Variants in ECHDC1 observed in about 807,000 individuals in gnomAD.
ECHDC1 encodes the protein ethylmalonyl-CoA decarboxylase.
ECHDC1 carries 29 observed loss-of-function variants against 29.7 expected under a neutral mutation model. That is an observed-to-expected ratio of 0.98 (90% CI 0.73 to 1.33). The LOEUF (loss-of-function observed/expected upper bound fraction) is 1.33. Ranked by LOEUF, ECHDC1 falls within the 40% of genes most tolerant of loss-of-function variation. ECHDC1 has a pLI of 0.00. For synonymous variants in ECHDC1, 126 were observed against 123.1 expected, an observed-to-expected ratio of 1.02 and a Z score of -0.15; for missense variants, 328 against 350.0, an observed-to-expected ratio of 0.94 and a Z score of 0.50.
intron 5 of ECHDC1, among the ~76,000 whole-genome samples, chr6:127,296,210 A>AGAC: frequency 6.6e-6 from 1 of 152,024 alleles, no homozygotes; most frequent in African/African-American, 2.4e-5. Context: ...GTTTTTTTTT[A>AGAC]GACAGGGTCT....
intron 2 of ECHDC1, among the ~76,000 whole-genome samples, chr6:127,328,971 G>A (rs1350613913): frequency 2.0e-5 from 3 of 152,080 alleles, no homozygotes; most frequent in Non-Finnish European, 4.4e-5. Context: ...AGCTTGCAGT[G>A]AGCTGAGATC....
chr6:127,290,412 AAT>A (rs1780057781), intron 5 of ECHDC1, 135 bp from the exon 6 acceptor site: 1 of 862,872 alleles, frequency 1.2e-6, no homozygotes, highest in Non-Finnish European at 1.7e-6. Flanking sequence ...ATGTTTGAAA[AAT>A]ATGGCTGTTT....
chr6:127,306,014 TAAA>T (rs773854477), intron 5 of ECHDC1, among the ~76,000 whole-genome samples: 1 of 124,362 alleles, frequency 8.0e-6, no homozygotes. Flanking sequence ...GTTGATAGAT[TAAA>T]AAAAAAAAAA....
Position 127,294,454 on chromosome 6 carries a change from CA to C in ECHDC1, c.498-4178del, listed in dbSNP as rs1281712848. On this transcript the variant is annotated intron_variant, in intron 5 of 5. Coordinates refer to ENST00000454859, the MANE Select transcript of ECHDC1 (RefSeq NM_001002030.2). Reference sequence around the variant, plus strand: ...TTGTTTTCTACCATCTATAACATCACAAAACAATGGAAAAGAGAAAGAACCC... The same window carrying C: ...TTGTTTTCTACCATCTATAACATCACAAACAATGGAAAAGAGAAAGAACCC... 25 of 152,288 alleles carry C rather than the reference CA, an allele frequency of 1.6e-4. 1 individual carries two copies. Among genetic ancestry groups the C allele is most frequent in the Non-Finnish European group, 1.8e-4 (12 of 68,036 alleles). The allele number at this position is 152,288 out of a possible 1,614,324, so 9.4% of individuals were successfully genotyped here.
intron 3 of ECHDC1, 120 bp from the exon 4 acceptor site, chr6:127,316,622 T>C (rs766464480): frequency 7.3e-5 from 55 of 752,944 alleles, no homozygotes; most frequent in Non-Finnish European, 1.1e-4. Context: ...AACAATGACA[T>C]TTCCATTTAA....
chr6:127,312,928 A>C (rs1488105513), intron 5 of ECHDC1: 1 of 152,212 alleles, frequency 6.6e-6, no homozygotes, highest in Non-Finnish European at 1.5e-5. Context: ...TAAAAAGTAC[A>C]TACTCTATAT....
chr6:127,315,738 T>G (rs1011399440), intron 4 of ECHDC1: 2 of 344,526 alleles, frequency 5.8e-6, no homozygotes, highest in Non-Finnish European at 1.2e-5. Flanking sequence ...TATTTTAGAA[T>G]AGTAATGTTA....
chr6:127,330,562 AG>A (rs1446261347), intron 2 of ECHDC1, among the ~76,000 whole-genome samples: 3 of 152,226 alleles, frequency 2.0e-5, no homozygotes, highest in African/African-American at 7.2e-5. Context: ...AGATTAATTT[AG>A]ATTTCCTTTT....
intron 1 of ECHDC1, among the ~76,000 whole-genome samples, chr6:127,337,959 A>ATTAGCAATT (rs1784580567): frequency 1.3e-5 from 2 of 152,342 alleles, no homozygotes; most frequent in African/African-American, 4.8e-5. Flanking sequence ...TAGTAACTGG[A>ATTAGCAATT]TTAGCAATTA....
At chr6:127,309,291 T>C (rs1232457378) in intron 5 of ECHDC1, among the ~76,000 whole-genome samples, 1 of 151,996 alleles carries the variant, frequency 6.6e-6, no homozygotes, top group Non-Finnish European at 1.5e-5. Flanking sequence ...TCTACACATA[T>C]ACAGGCAACT....
intron 5 of ECHDC1, among the ~76,000 whole-genome samples, chr6:127,291,801 ACTGGGAAACTTT>A (rs1207269427): frequency 3.3e-5 from 5 of 152,138 alleles, no homozygotes; most frequent in African/African-American, 1.2e-4. Context: ...TTATTAACTC[ACTGGGAAACTTT>A]CTCTTCACAG....
intron 5 of ECHDC1, among the ~76,000 whole-genome samples, chr6:127,298,400 G>C (rs1269484912): frequency 2.0e-5 from 3 of 151,942 alleles, no homozygotes; most frequent in Non-Finnish European, 4.4e-5. Context: ...AGGTAGTTTT[G>C]AGAGATTTTT....
At chr6:127,326,789 C>T (rs533916289) in intron 3 of ECHDC1, 5 of 496,080 alleles carry the variant, frequency 1.0e-5, no homozygotes, top group Middle Eastern at 5.5e-4. Flanking sequence ...TAACAAGAGC[C>T]GTTCGCAGAT....
chr6:127,299,728 C>T (rs1211953744), intron 5 of ECHDC1, among the ~76,000 whole-genome samples: 1 of 152,148 alleles, frequency 6.6e-6, no homozygotes, highest in Non-Finnish European at 1.5e-5. Context: ...GGAGTACATT[C>T]TAAGTGTACA....
chr6:127,293,130 T>C (rs1451250313), intron 5 of ECHDC1, among the ~76,000 whole-genome samples: 1 of 152,104 alleles, frequency 6.6e-6, no homozygotes, highest in Admixed American at 6.6e-5. Context: ...CAAGTGTTGA[T>C]GATACCAGGA....
Position 127,314,796 on chromosome 6 carries a change from TA to T in ECHDC1, c.497+19del. On this transcript the variant is annotated intron_variant, in intron 5 of 5. Coordinates refer to ENST00000454859, the MANE Select transcript of ECHDC1 (RefSeq NM_001002030.2). Reference sequence around the variant, plus strand: ...AGTTAATTATATTTGTGCAAGAAATTAATGAAATTTTCATCCTACCTGAAAT... The same window carrying T: ...AGTTAATTATATTTGTGCAAGAAATTATGAAATTTTCATCCTACCTGAAAT... 6.3e-7 allele frequency: 1 copy of T among 1,580,062 alleles called. No individual in the cohort carries two copies. Among genetic ancestry groups the T allele is most frequent in the Non-Finnish European group, 8.6e-7 (1 of 1,163,762 alleles).
intron 5 of ECHDC1, among the ~76,000 whole-genome samples, chr6:127,292,465 C>T (rs1244542443): frequency 1.3e-5 from 2 of 151,932 alleles, no homozygotes; most frequent in Non-Finnish European, 2.9e-5. Flanking sequence ...CAAAATCTAA[C>T]ATCCATTCTT....
At chr6:127,326,070 A>T (rs1324450105) in intron 3 of ECHDC1, among the ~76,000 whole-genome samples, 1 of 152,292 alleles carries the variant, frequency 6.6e-6, no homozygotes, top group African/African-American at 2.4e-5. Context: ...ATAGTAAAGT[A>T]ACAATGTGGG....
intron 3 of ECHDC1, among the ~76,000 whole-genome samples, chr6:127,321,333 C>G (rs1782807658): frequency 6.6e-6 from 1 of 152,094 alleles, no homozygotes; most frequent in South Asian, 2.1e-4. Flanking sequence ...AATGTTTCAG[C>G]CATGAGGGGT....
Sources: allele counts gnomAD v4.1 joint callset (sites outside exome capture counted in the v4.1 genomes callset), GRCh38; gene constraint gnomAD v4.1.1; transcripts MANE v1.5; gene names NCBI Gene and HGNC (gene_info 2026-07-23, HGNC 2026-07-21).